Variants in CNTN5 observed in about 807,000 individuals in gnomAD.
CNTN5 encodes contactin 5.
A neutral mutation model predicts 129.1 loss-of-function variants in CNTN5; 77 were observed. The observed-to-expected ratio is 0.60, with a 90% CI of 0.50 to 0.72. CNTN5 has a LOEUF of 0.72. Among genes scored for constraint, CNTN5 ranks in the 30% least tolerant of loss-of-function variants. The probability of loss-of-function intolerance (pLI) is 0.00; values close to 1 mark genes in which losing one functional copy is unlikely to be tolerated. For synonymous variants in CNTN5, 509 were observed against 465.6 expected (o/e 1.09, Z -1.20); for missense variants, 1,478 against 1,328.8 (o/e 1.11, Z -1.75).
At chr11:99,392,827 T>G (rs1450879515) in intron 2 of CNTN5, among the ~76,000 whole-genome samples, 1 of 151,896 alleles carries the variant, frequency 6.6e-6, no homozygotes, top group Non-Finnish European at 1.5e-5. Flanking sequence ...TTTAATCCAA[T>G]TAATCATTCC....
At chr11:100,098,454 G>A (rs982097787) in intron 13 of CNTN5, among the ~76,000 whole-genome samples, 16 of 151,832 alleles carry the variant, frequency 1.1e-4, no homozygotes, top group African/African-American at 3.1e-4. Context: ...ATTTCCAACA[G>A]GTTTTTGTGT....
intron 3 of CNTN5, among the ~76,000 whole-genome samples, chr11:99,585,507 A>T (rs1291199198): frequency 6.6e-6 from 1 of 152,136 alleles, no homozygotes; most frequent in African/African-American, 2.4e-5. Context: ...AAAAATATAT[A>T]TATTTAGGTT....
chr11:99,422,244 T>C (rs1942920221), intron 2 of CNTN5, among the ~76,000 whole-genome samples: 2 of 152,064 alleles, frequency 1.3e-5, no homozygotes, highest in African/African-American at 4.8e-5. Flanking sequence ...ATATGCAACC[T>C]GGGTTAATTA....
chr11:99,353,158 C>A (rs539407330), intron 2 of CNTN5, among the ~76,000 whole-genome samples: 2 of 152,264 alleles, frequency 1.3e-5, no homozygotes, highest in South Asian at 4.2e-4. Context: ...CTAGCTATTT[C>A]TCTCCAGCAG....
At chr11:99,398,483 A>G (rs994224790) in intron 2 of CNTN5, among the ~76,000 whole-genome samples, 4 of 152,024 alleles carry the variant, frequency 2.6e-5, no homozygotes, top group East Asian at 1.9e-4. Context: ...GGACAGTTTC[A>G]CCAACCACCA....
chr11:99,787,720 C>G lies in CNTN5; in HGVS notation c.56-31824C>G, dbSNP rs185106059. ...ATGACATAAAGTACATGATTTGTCTCTATTAACTTTGACCAGAACCAGAAA... is the reference window on the plus strand; with the variant it reads ...ATGACATAAAGTACATGATTTGTCTGTATTAACTTTGACCAGAACCAGAAA... On this transcript the variant is annotated intron_variant, in intron 3 of 24. Transcript: ENST00000524871. 6.9e-4 allele frequency among the ~76,000 whole-genome samples: 105 copies of G among 152,028 alleles called. 1 individual carries two copies. The highest frequency in any genetic ancestry group is 2.4e-3 in the African/African-American group (101 of 41,526).
chr11:99,809,190 A>G (rs1464595958), intron 3 of CNTN5, among the ~76,000 whole-genome samples: 1 of 152,148 alleles, frequency 6.6e-6, no homozygotes, highest in Non-Finnish European at 1.5e-5. Context: ...ATATGCTTCT[A>G]TTAAGTGTAA....
chr11:100,342,949 A>G lies in CNTN5; in HGVS notation c.3030+1744A>G, dbSNP rs539133356. On this transcript the variant is annotated intron_variant, in intron 23 of 24. Transcript: ENST00000524871. ...CAGTTTTATTTTCTTAACTTCACAA[A>G]TGGCAGAAATAGCAATAATAATACA... 5.3e-5 allele frequency among the ~76,000 whole-genome samples: 8 copies of G among 152,288 alleles called. No individual in the cohort carries two copies. The East Asian group carries it at 1.5e-3, about 29-fold the overall frequency.
chr11:99,641,376 C>G (rs10893643), intron 3 of CNTN5, among the ~76,000 whole-genome samples: 91,315 of 151,870 alleles, frequency 0.6, 28,294 homozygotes, highest in Admixed American at 0.69. Flanking sequence ...TATAATACCT[C>G]AATTCTAGTT....
chr11:99,388,004 T>A (rs1941017494), intron 2 of CNTN5, among the ~76,000 whole-genome samples: 1 of 152,144 alleles, frequency 6.6e-6, no homozygotes, highest in Admixed American at 6.5e-5. Flanking sequence ...CAGCCAGAAT[T>A]GAGAACCCTC....
In CNTN5 at chr11:100,061,285, G is replaced by A. The variant is rs1340357235; in HGVS notation, c.1054G>A (p.Ala352Thr). The A allele has an allele frequency of 6.2e-7, 1 of 1,613,508 alleles. No homozygotes were observed. Among genetic ancestry groups the A allele is most frequent in the African/African-American group, 1.3e-5 (1 of 74,914 alleles). The change falls in exon 10 of 25, where the codon GCG becomes ACG. Residue 352 changes from alanine to threonine, a missense_variant. Transcript: ENST00000524871. ...TAAGGCACGTCTGCGGAAATCTCAG[G>A]CGGTGCTGGAAATACCGAATGTACA... ...PSKARLRKSQ[A>T]VLEIPNVQLD...
intron 13 of CNTN5, among the ~76,000 whole-genome samples, chr11:100,097,776 G>T (rs76296147): frequency 0.044 from 6,655 of 152,064 alleles, 200 homozygotes; most frequent in African/African-American, 0.089. Flanking sequence ...AGAGATTCAT[G>T]CATTGTCACA....
chr11:99,940,301 G>A lies in CNTN5; in HGVS notation c.674-16505G>A, dbSNP rs534822693. Among the ~76,000 whole-genome samples, 10 of 152,176 alleles carry A rather than the reference G, an allele frequency of 6.6e-5. No homozygotes were observed. The South Asian group carries it at 2.1e-3, about 32-fold the overall frequency. The stretch of plus-strand genomic sequence containing the variant: ...AAATTTATGTAATTTGTGCTCTTTA[G>A]CTTTTAGATCCTCCAAATATTAGTA... On this transcript the variant is annotated intron_variant, in intron 7 of 24. Transcript: ENST00000524871.
intron 1 of CNTN5, among the ~76,000 whole-genome samples, chr11:99,237,448 C>T (rs967461001): frequency 1.1e-4 from 16 of 152,034 alleles, no homozygotes; most frequent in Admixed American, 2.0e-4. Flanking sequence ...TGTGGGAAGC[C>T]GAGGTGGGCG....
chr11:99,034,859 G>A (rs1863625675), intron 1 of CNTN5, among the ~76,000 whole-genome samples: 1 of 150,114 alleles, frequency 6.7e-6, no homozygotes, highest in Non-Finnish European at 1.5e-5. Flanking sequence ...TAATTGTGAT[G>A]TTAGGGTGTC....
At chr11:99,834,439 T>G (rs1036628500) in intron 4 of CNTN5, among the ~76,000 whole-genome samples, 1 of 152,148 alleles carries the variant, frequency 6.6e-6, no homozygotes, top group Non-Finnish European at 1.5e-5. Flanking sequence ...GGTAGAAAGA[T>G]TGGTTTAGCC....
At chr11:100,279,283 G>A (rs978211398) in intron 18 of CNTN5, among the ~76,000 whole-genome samples, 11 of 150,566 alleles carry the variant, frequency 7.3e-5, no homozygotes, top group African/African-American at 9.8e-5. Context: ...TTTTTGATAC[G>A]TCTTTGTCTA....
chr11:100,069,168 T>C (rs1943805935), intron 10 of CNTN5, among the ~76,000 whole-genome samples: 1 of 152,142 alleles, frequency 6.6e-6, no homozygotes, highest in Non-Finnish European at 1.5e-5. Flanking sequence ...ATTTTTCTTT[T>C]TTGAGACAGG....
chr11:99,749,871 G>C (rs1565488272), intron 3 of CNTN5, among the ~76,000 whole-genome samples: 1 of 152,164 alleles, frequency 6.6e-6, no homozygotes, highest in Non-Finnish European at 1.5e-5. Context: ...ACATAACTAT[G>C]CTTTGGCCAC....
Sources: allele counts gnomAD v4.1 joint callset (sites outside exome capture counted in the v4.1 genomes callset), GRCh38; gene constraint gnomAD v4.1.1; transcripts MANE v1.5; gene names NCBI Gene and HGNC (gene_info 2026-07-23, HGNC 2026-07-21).